The following NT5E variants were observed in gnomAD, a reference collection of about 807,000 sequenced individuals.
The protein encoded by NT5E is 5'-nucleotidase ecto.
In NT5E, 53 loss-of-function variants were observed where a neutral mutation model predicts 55.1. The ratio of observed to expected loss-of-function variants is 0.96; its 90% CI spans 0.77 to 1.21. The LOEUF is 1.21. NT5E is among the 50% of genes most tolerant of loss of function. The pLI is 0.00. For missense variants in NT5E, 683 were observed against 724.3 expected (o/e 0.94, Z 0.65); for synonymous variants, 270 against 278.4 (o/e 0.97, Z 0.30).
Position 85,457,019 on chromosome 6 carries a change from C to G in NT5E, c.339+6541C>G, listed in dbSNP as rs147609932. The stretch of plus-strand genomic sequence containing the variant: ...CCCTAGTAAGTGCCGGCTGTACTTG[C>G]CTTCTCTTTGCAGGGGTGGCTCAGG... On this transcript the variant is annotated intron_variant, in intron 1 of 8. Coordinates refer to ENST00000257770, the MANE Select transcript of NT5E (RefSeq NM_002526.4). Among the ~76,000 whole-genome samples, 850 of 152,300 alleles carry G rather than the reference C, an allele frequency of 5.6e-3. 7 individuals carry two copies. Among genetic ancestry groups the G allele is most frequent in the African/African-American group, 0.02 (821 of 41,556 alleles).
intron 8 of NT5E, among the ~76,000 whole-genome samples, chr6:85,492,496 C>T (rs1303581552): frequency 6.6e-6 from 1 of 152,082 alleles, no homozygotes; most frequent in East Asian, 1.9e-4. Context: ...AATATCACAC[C>T]TCTGGAATTT....
rs1269608591 is a variant in NT5E, at chr6:85,450,160, G to A, written c.21G>A (p.Arg7=). MCPRAA[R]APATLLLALG... ...CAGCTATGTGTCCCCGAGCCGCGCG[G>A]GCGCCCGCGACGCTACTCCTCGCCC... The change falls in exon 1 of 9, where the codon CGG becomes CGA. Residue 7 remains arginine (R), a synonymous_variant. Coordinates refer to ENST00000257770, the MANE Select transcript of NT5E (RefSeq NM_002526.4). This position sits in a 1 kb window ranked among gnomAD's most constrained non-coding sequence, Gnocchi z 4.0. 1 of 1,591,312 alleles carries A rather than the reference G, an allele frequency of 6.3e-7. No individual in the cohort carries two copies. Among genetic ancestry groups the A allele is most frequent in the Middle Eastern group, 1.7e-4 (1 of 5,754 alleles).
At chr6:85,453,554 A>G (rs1768932597) in intron 1 of NT5E, among the ~76,000 whole-genome samples, 1 of 152,246 alleles carries the variant, frequency 6.6e-6, no homozygotes, top group Non-Finnish European at 1.5e-5. Context: ...CCCACAGCAC[A>G]AAACTGAAGG....
intron 3 of NT5E, among the ~76,000 whole-genome samples, chr6:85,474,907 C>A (rs1182994130): frequency 6.6e-6 from 1 of 152,158 alleles, no homozygotes; most frequent in Non-Finnish European, 1.5e-5. Flanking sequence ...GAACTCCAGT[C>A]TGAGTGACAG....
intron 1 of NT5E, among the ~76,000 whole-genome samples, chr6:85,454,288 A>C (rs902469272): frequency 6.6e-6 from 1 of 152,156 alleles, no homozygotes; most frequent in African/African-American, 2.4e-5. Flanking sequence ...GACATCCTCC[A>C]TTCTCTTCCA....
intron 1 of NT5E, among the ~76,000 whole-genome samples, chr6:85,455,855 A>G (rs540254249): frequency 6.6e-6 from 1 of 152,214 alleles, no homozygotes; most frequent in African/African-American, 2.4e-5. Flanking sequence ...TCCCACACAC[A>G]TCTGGTCACA....
chr6:85,462,386 AT>A (rs149130345), intron 1 of NT5E, among the ~76,000 whole-genome samples: 7 of 151,250 alleles, frequency 4.6e-5, no homozygotes, highest in Non-Finnish European at 8.9e-5. Context: ...TAGCAGCATC[AT>A]TTTTTTTTCT....
At chr6:85,492,228 A>C in intron 8 of NT5E, 51 bp downstream of exon 8, 1 of 1,567,042 alleles carries the variant, frequency 6.4e-7, no homozygotes, top group Non-Finnish European at 8.8e-7. Flanking sequence ...AATTGGGCCA[A>C]GAAGGGGAGC....
chr6:85,485,158 G>T lies in NT5E; in HGVS notation c.752-77G>T. On this transcript the variant is annotated intron_variant, in intron 3 of 8. Transcript: ENST00000257770. ...CATCAATTTAAAACTCTGTCATCCA[G>T]CCAGTAGCCCGCTGGCCTACAGCCA... 3 of 1,398,304 alleles carry T rather than the reference G, an allele frequency of 2.1e-6. No homozygotes were observed. In the East Asian group the frequency reaches 6.9e-5, roughly 32 times the overall value. 86.6% of individuals were successfully genotyped at this position (1,398,304 alleles called of 1,614,324 possible).
At chr6:85,489,104 C>T (rs1769729490) in intron 5 of NT5E, among the ~76,000 whole-genome samples, 1 of 152,088 alleles carries the variant, frequency 6.6e-6, no homozygotes, top group African/African-American at 2.4e-5. Flanking sequence ...TGGTGTTGAG[C>T]AGGCTCTAGG....
intron 3 of NT5E, among the ~76,000 whole-genome samples, chr6:85,484,089 G>C (rs1419281267): frequency 6.6e-6 from 1 of 152,136 alleles, no homozygotes; most frequent in Non-Finnish European, 1.5e-5. Context: ...TTAAGCCCAG[G>C]GCCTGGCTCA....
intron 3 of NT5E, among the ~76,000 whole-genome samples, chr6:85,484,436 T>C (rs926368254): frequency 6.6e-6 from 1 of 152,108 alleles, no homozygotes; most frequent in Admixed American, 6.5e-5. Context: ...CTCCAGGCAG[T>C]GGTGGGCCTC....
intron 4 of NT5E, 97 bp from the exon 5 acceptor site, chr6:85,487,238 T>A: frequency 8.8e-7 from 1 of 1,137,174 alleles, no homozygotes; most frequent in East Asian, 2.4e-5. Context: ...ACAAATATGT[T>A]CTCACAGCAA....
In NT5E at chr6:85,463,402, C is replaced by A. The variant is rs114258588; in HGVS notation, c.340-3658C>A. On this transcript the variant is annotated intron_variant, in intron 1 of 8. Coordinates refer to ENST00000257770, the MANE Select transcript of NT5E (RefSeq NM_002526.4). ...AGAGCATCAGAACATGATTTAGGTA[C>A]CCCATACATTTATACAAATAAAAAA... 4.5e-3 allele frequency among the ~76,000 whole-genome samples: 688 copies of A among 152,180 alleles called. 4 individuals carry two copies. The highest frequency in any genetic ancestry group is 0.016 in the African/African-American group (655 of 41,514).
At chr6:85,490,432 G>A (rs1447343524) in intron 6 of NT5E, 76 bp from the exon 7 acceptor site, 27 of 1,538,126 alleles carry the variant, frequency 1.8e-5, no homozygotes, top group South Asian at 3.4e-5. Context: ...TTCCCCCAGC[G>A]CTGAGGGAAA....
At chr6:85,489,419 C>A (rs1769736619) in intron 5 of NT5E, 75 bp from the exon 6 acceptor site, 9 of 1,033,042 alleles carry the variant, frequency 8.7e-6, no homozygotes, top group East Asian at 2.4e-5. Context: ...CTCACTAGAG[C>A]TAACCAGATT....
In NT5E at chr6:85,450,138, C is replaced by G. The variant is rs760508661; in HGVS notation, c.-2C>G. 39 of 1,568,974 alleles carry G rather than the reference C, an allele frequency of 2.5e-5. No individual in the cohort carries two copies. Among genetic ancestry groups the G allele is most frequent in the Non-Finnish European group, 3.3e-5 (38 of 1,160,978 alleles). On this transcript the variant is annotated 5_prime_UTR_variant, in exon 1 of 9. Coordinates refer to ENST00000257770, the MANE Select transcript of NT5E (RefSeq NM_002526.4). This position sits in a 1 kb window ranked among gnomAD's most constrained non-coding sequence, Gnocchi z 4.0. ...TTCGCACCCAGTTCACGCGCCACAG[C>G]TATGTGTCCCCGAGCCGCGCGGGCG...
intron 1 of NT5E, among the ~76,000 whole-genome samples, chr6:85,452,058 T>C (rs1411323927): frequency 6.6e-6 from 1 of 152,198 alleles, no homozygotes; most frequent in Admixed American, 6.5e-5. Flanking sequence ...AATCGTGGGT[T>C]TCAAGAACTC....
chr6:85,455,201 T>G (rs1768964409), intron 1 of NT5E, among the ~76,000 whole-genome samples: 1 of 152,198 alleles, frequency 6.6e-6, no homozygotes, highest in African/African-American at 2.4e-5. Context: ...CCTAGAAATT[T>G]CCTAAGTAAT....
Sources: gnomAD v4.1 joint callset for allele counts (sites outside exome capture counted in the v4.1 genomes callset) on GRCh38, gnomAD v4.1.1 for gene constraint, Gnocchi (gnomAD v3.1) non-coding constraint, MANE v1.5 for transcripts, NCBI Gene and HGNC (gene_info 2026-07-23, HGNC 2026-07-21) for gene names.